The following MAD1L1 variants were observed in gnomAD, a reference collection of about 807,000 sequenced individuals.
MAD1L1 encodes the protein mitotic spindle assembly checkpoint protein MAD1.
Under a neutral mutation model 96.9 loss-of-function variants are expected in MAD1L1, and 95 were observed. The ratio of observed to expected loss-of-function variants is 0.98; its 90% CI spans 0.83 to 1.16. MAD1L1 has a LOEUF of 1.16. MAD1L1 is among the 50% of genes most tolerant of loss of function. The pLI is 0.00. For synonymous variants in MAD1L1, 473 were observed against 396.6 expected (o/e 1.19, Z -2.29); for missense variants, 1,007 against 954.4 (o/e 1.06, Z -0.73).
chr7:2,166,111 G>A (rs1167683234), intron 10 of MAD1L1, among the ~76,000 whole-genome samples: 1 of 152,176 alleles, frequency 6.6e-6, no homozygotes, highest in Non-Finnish European at 1.5e-5. Flanking sequence ...CAAAGTCCAC[G>A]CCACCACGAC....
rs1193195180 is a variant in MAD1L1, at chr7:1,816,048, G to C, written c.*22C>G. 13 of 1,595,004 alleles carry C rather than the reference G, an allele frequency of 8.2e-6. No individual in the cohort carries two copies. Among genetic ancestry groups the C allele is most frequent in the Admixed American group, 1.7e-5 (1 of 58,886 alleles). ...GGTCAGGCCAAGCAGAGTGGCTCCG[G>C]CTATGCCCCCGAGCCTGCAGGCTAC... On this transcript the variant is annotated 3_prime_UTR_variant, in exon 19 of 19. Coordinates refer to ENST00000265854, the MANE Select transcript of MAD1L1 (RefSeq NM_001013836.2).
chr7:1,989,588 T>C (rs1029953884), intron 14 of MAD1L1, among the ~76,000 whole-genome samples: 2 of 152,208 alleles, frequency 1.3e-5, no homozygotes, highest in African/African-American at 4.8e-5. Flanking sequence ...GTGGGGACCC[T>C]GGGAGAGCAG....
At chr7:1,821,951 G>A (rs1782146310) in intron 18 of MAD1L1, among the ~76,000 whole-genome samples, 1 of 152,144 alleles carries the variant, frequency 6.6e-6, no homozygotes, top group South Asian at 2.1e-4. Flanking sequence ...GAAAGCAGCA[G>A]CATAGGGATT....
intron 12 of MAD1L1, among the ~76,000 whole-genome samples, chr7:2,047,977 T>C (rs558314466): frequency 2.0e-5 from 3 of 151,900 alleles, no homozygotes; most frequent in South Asian, 2.1e-4. Flanking sequence ...CATGATCACA[T>C]GTGCACACAG....
chr7:2,177,327 T>C (rs897160085), intron 10 of MAD1L1, among the ~76,000 whole-genome samples: 4 of 152,222 alleles, frequency 2.6e-5, no homozygotes, highest in African/African-American at 9.6e-5. Context: ...GTACAGCAGA[T>C]GTATTCATGA....
intron 10 of MAD1L1, among the ~76,000 whole-genome samples, chr7:2,165,354 G>A (rs757275197): frequency 2.0e-5 from 3 of 152,330 alleles, no homozygotes; most frequent in East Asian, 1.9e-4. Context: ...TTATCTGGAC[G>A]AGTGCACATG....
At chr7:1,947,995 T>C (rs1224099127) in intron 16 of MAD1L1, among the ~76,000 whole-genome samples, 1 of 152,184 alleles carries the variant, frequency 6.6e-6, no homozygotes, top group Non-Finnish European at 1.5e-5. Context: ...GCCATGCTGC[T>C]GTCCGTGACC....
intron 11 of MAD1L1, among the ~76,000 whole-genome samples, chr7:2,076,368 T>C (rs530140410): frequency 2.6e-5 from 4 of 152,298 alleles, no homozygotes; most frequent in Admixed American, 2.0e-4. Flanking sequence ...GCTCGAGTCC[T>C]CTCCCTCTGC....
At chr7:2,005,828 A>C (rs534268582) in intron 13 of MAD1L1, among the ~76,000 whole-genome samples, 1 of 152,166 alleles carries the variant, frequency 6.6e-6, no homozygotes, top group Non-Finnish European at 1.5e-5. Context: ...GATGTAAAAC[A>C]AAACAAAAAA....
At chr7:1,819,282 C>T (rs1190646668) in intron 18 of MAD1L1, among the ~76,000 whole-genome samples, 1 of 152,194 alleles carries the variant, frequency 6.6e-6, no homozygotes, top group African/African-American at 2.4e-5. Flanking sequence ...TGCCTGCGCG[C>T]AGGCTCTGGC....
intron 18 of MAD1L1, among the ~76,000 whole-genome samples, chr7:1,870,012 G>A (rs551807670): frequency 1.3e-4 from 20 of 152,272 alleles, no homozygotes; most frequent in African/African-American, 4.8e-4. Flanking sequence ...TGCCAACCCG[G>A]AGTCCACATT....
intron 14 of MAD1L1, among the ~76,000 whole-genome samples, chr7:1,996,016 C>T (rs1781537241): frequency 6.6e-6 from 1 of 152,212 alleles, no homozygotes; most frequent in Non-Finnish European, 1.5e-5. Flanking sequence ...TGGGCACAGC[C>T]ATGAGGACCA....
In MAD1L1 at chr7:1,911,561, G is replaced by A. The variant is rs530402104; in HGVS notation, c.1808-13171C>T. ...CTCATTTCTGCTGCCACAATGTGGC[G>A]GGCACATTTGCCTTCTGCCAGGGGA... On this transcript the variant is annotated intron_variant, in intron 17 of 18. Transcript: ENST00000265854. 5.3e-5 allele frequency among the ~76,000 whole-genome samples: 8 copies of A among 152,344 alleles called. No homozygotes were observed. The South Asian group carries it at 6.2e-4, about 12-fold the overall frequency.
intron 17 of MAD1L1, among the ~76,000 whole-genome samples, chr7:1,899,488 T>G (rs1024933187): frequency 1.3e-5 from 2 of 152,168 alleles, no homozygotes; most frequent in African/African-American, 4.8e-5. Flanking sequence ...ATCACAGGAC[T>G]GCTGTAGGCG....
At chr7:2,160,701 C>T (rs1296391940) in intron 10 of MAD1L1, among the ~76,000 whole-genome samples, 3 of 151,962 alleles carry the variant, frequency 2.0e-5, no homozygotes, top group African/African-American at 7.3e-5. Flanking sequence ...GACATGACCT[C>T]AGCTCACTGG....
chr7:2,208,064 A>G (rs905148360), intron 10 of MAD1L1, among the ~76,000 whole-genome samples: 12 of 152,076 alleles, frequency 7.9e-5, no homozygotes, highest in African/African-American at 2.7e-4. Flanking sequence ...TTCCTCTTAC[A>G]ATGTCTCCAT....
chr7:2,173,362 G>C (rs566235472), intron 10 of MAD1L1, among the ~76,000 whole-genome samples: 1 of 152,110 alleles, frequency 6.6e-6, no homozygotes, highest in Non-Finnish European at 1.5e-5. Flanking sequence ...GTCTGGCTGA[G>C]CCCCGCGTCT....
At chr7:2,209,759 C>A (rs529736126) in intron 10 of MAD1L1, among the ~76,000 whole-genome samples, 1 of 152,326 alleles carries the variant, frequency 6.6e-6, no homozygotes, top group South Asian at 2.1e-4. Flanking sequence ...CCAGCCCACC[C>A]GGCACAGGCC....
chr7:1,871,653 T>TGAACCCAACATACGCCTGCCAC (rs1562477164), intron 18 of MAD1L1, among the ~76,000 whole-genome samples: 1 of 79,476 alleles, frequency 1.3e-5, no homozygotes, highest in Non-Finnish European at 2.6e-5. Context: ...ACGCCTGCCA[T>TGAACCCAACATACGCCTGCCAC]GCTGAACCCA....
Sources: allele counts gnomAD v4.1 joint callset (sites outside exome capture counted in the v4.1 genomes callset), GRCh38; gene constraint gnomAD v4.1.1; transcripts MANE v1.5; gene names NCBI Gene and HGNC (gene_info 2026-07-23, HGNC 2026-07-21).